OSBPL6: variants seen among roughly 807,000 people sequenced by gnomAD.
OSBPL6 encodes oxysterol-binding protein-related protein 6.
In OSBPL6, 49 loss-of-function variants were observed where a neutral mutation model predicts 125.8. That is an observed-to-expected ratio of 0.39 (90% CI 0.31 to 0.49). The LOEUF (loss-of-function observed/expected upper bound fraction) is 0.49. Ranked by LOEUF, OSBPL6 falls within the 20% of genes least tolerant of loss-of-function variation. The probability of loss-of-function intolerance (pLI) is 0.88; values close to 1 mark genes in which losing one functional copy is unlikely to be tolerated. For synonymous variants in OSBPL6, 394 were observed against 391.8 expected, an observed-to-expected ratio of 1.01 and a Z score of -0.07; for missense variants, 986 against 1,135.4, an observed-to-expected ratio of 0.87 and a Z score of 1.89.
intron 13 of OSBPL6, among the ~76,000 whole-genome samples, chr2:178,366,841 C>T (rs1692879018): frequency 1.3e-5 from 2 of 152,236 alleles, no homozygotes; most frequent in South Asian, 4.1e-4. Context: ...GAATCCTTCA[C>T]ATGTTCTTTA....
intron 12 of OSBPL6, among the ~76,000 whole-genome samples, chr2:178,358,040 C>T (rs1210344143): frequency 3.9e-5 from 6 of 152,136 alleles, no homozygotes; most frequent in Admixed American, 2.6e-4. Flanking sequence ...ATAACAAGAA[C>T]ACTTGGACAC....
At chr2:178,277,490 T>C (rs1488683680) in intron 1 of OSBPL6, among the ~76,000 whole-genome samples, 1 of 152,216 alleles carries the variant, frequency 6.6e-6, no homozygotes, top group Non-Finnish European at 1.5e-5. Flanking sequence ...CAGAGAAATA[T>C]TGTCAATTAG....
chr2:178,209,716 G>A (rs2153952682), intron 1 of OSBPL6, among the ~76,000 whole-genome samples: 1 of 151,982 alleles, frequency 6.6e-6, no homozygotes, highest in South Asian at 2.1e-4. Flanking sequence ...CTTTTAAACT[G>A]AGGGCTTCAT....
At chr2:178,357,618 G>A (rs371445875) in intron 12 of OSBPL6, among the ~76,000 whole-genome samples, 5 of 152,132 alleles carry the variant, frequency 3.3e-5, no homozygotes, top group African/African-American at 9.7e-5. Flanking sequence ...AAATAGGAAC[G>A]CTTTTACACT....
In OSBPL6 at chr2:178,365,675, T is replaced by TA. The variant is rs566906504; in HGVS notation, c.1287+3867dup. Among the ~76,000 whole-genome samples the TA allele has an allele frequency of 1.1e-4, 17 of 152,154 alleles. No individual in the cohort carries two copies. In the South Asian group the frequency reaches 3.5e-3, roughly 32 times the overall value. On this transcript the variant is annotated intron_variant, in intron 13 of 24. Transcript: ENST00000190611. Reference sequence around the variant, plus strand: ...TGGATGACAGAGCGAGACTCTGTCTTAAAAAAATAAAAATAAATAAAGTAA... The same window carrying TA: ...TGGATGACAGAGCGAGACTCTGTCTTAAAAAAAATAAAAATAAATAAAGTAA...
intron 1 of OSBPL6, among the ~76,000 whole-genome samples, chr2:178,200,452 A>G (rs1006709692): frequency 6.6e-6 from 1 of 151,892 alleles, no homozygotes; most frequent in Non-Finnish European, 1.5e-5. Flanking sequence ...GGGTTTCACC[A>G]TGTTGGCCAG....
chr2:178,268,969 T>C (rs1379833773), intron 1 of OSBPL6, among the ~76,000 whole-genome samples: 2 of 152,190 alleles, frequency 1.3e-5, no homozygotes, highest in Non-Finnish European at 2.9e-5. Flanking sequence ...CATGATTGTA[T>C]GTGCACTGAG....
chr2:178,322,940 TA>T (rs1482354693), intron 3 of OSBPL6, among the ~76,000 whole-genome samples: 5 of 149,700 alleles, frequency 3.3e-5, no homozygotes, highest in African/African-American at 4.9e-5. Context: ...AAAAAACCTT[TA>T]AAAAAAATCT....
chr2:178,255,479 T>C (rs562619312), intron 1 of OSBPL6, among the ~76,000 whole-genome samples: 5 of 152,112 alleles, frequency 3.3e-5, no homozygotes, highest in Non-Finnish European at 7.4e-5. Context: ...CCATGACACA[T>C]GGGGATTATG....
At position 178,203,469 on chromosome 2, in the gene OSBPL6, G is replaced by C. The variant is rs560460175; in HGVS notation, c.-351+8795G>C. On this transcript the variant is annotated intron_variant, in intron 1 of 24. Coordinates refer to ENST00000190611, the MANE Select transcript of OSBPL6 (RefSeq NM_032523.4). ...TATTTGGGTCTTTAAAAATATCTCC[G>C]TATCTCTACTTAACTTTTCGAACAT... 2.7e-4 allele frequency among the ~76,000 whole-genome samples: 41 copies of C among 152,270 alleles called. No individual in the cohort carries two copies. The South Asian group carries it at 2.9e-3, about 11-fold the overall frequency.
chr2:178,323,671 C>T (rs565615587), intron 3 of OSBPL6: 1 of 152,272 alleles, frequency 6.6e-6, no homozygotes, highest in South Asian at 2.1e-4. Context: ...CCAAGTTGGC[C>T]AGGCTGGTCT....
intron 11 of OSBPL6, among the ~76,000 whole-genome samples, chr2:178,342,400 C>T (rs1574919514): frequency 6.6e-6 from 1 of 152,102 alleles, no homozygotes; most frequent in Non-Finnish European, 1.5e-5. Flanking sequence ...AAATTGACCG[C>T]AAGAAAGTAA....
At chr2:178,267,080 A>G (rs333987) in intron 1 of OSBPL6, among the ~76,000 whole-genome samples, 134,373 of 152,200 alleles carry the variant, frequency 0.88, 60,421 homozygotes, top group Non-Finnish European at 0.97. Flanking sequence ...TAGGCCAGAC[A>G]TGGTAGCTCA....
At chr2:178,266,012 C>G (rs1055231270) in intron 1 of OSBPL6, among the ~76,000 whole-genome samples, 3 of 152,316 alleles carry the variant, frequency 2.0e-5, no homozygotes, top group East Asian at 3.9e-4. Flanking sequence ...TCAGAGAATA[C>G]TTCCCCAGGG....
chr2:178,324,175 A>G lies in OSBPL6; in HGVS notation c.103-2A>G, dbSNP rs1688493680. 1.3e-6 allele frequency: 2 copies of G among 1,514,910 alleles called. No individual in the cohort carries two copies. Among genetic ancestry groups the G allele is most frequent in the African/African-American group, 1.4e-5 (1 of 73,708 alleles). 93.8% of individuals were successfully genotyped at this position (1,514,910 alleles called of 1,614,324 possible). ...CTGGGCTATGTTTTCATTTATTTTC[A>G]GAGTATTCACATACTGGAGAGGACT... On this transcript the variant is annotated splice_acceptor_variant, in intron 3 of 24. Transcript: ENST00000190611. LOFTEE classifies it high-confidence loss of function.
chr2:178,319,676 A>G (rs1688067461), intron 3 of OSBPL6, among the ~76,000 whole-genome samples: 2 of 152,216 alleles, frequency 1.3e-5, no homozygotes. Context: ...AAAACCAGTA[A>G]CTATTAACTG....
chr2:178,262,275 G>A (rs1213921832), intron 1 of OSBPL6, among the ~76,000 whole-genome samples: 1 of 152,130 alleles, frequency 6.6e-6, no homozygotes, highest in African/African-American at 2.4e-5. Flanking sequence ...AACTATGTCA[G>A]TTTTCAAATT....
At chr2:178,220,875 G>A (rs1457240838) in intron 1 of OSBPL6, among the ~76,000 whole-genome samples, 1 of 152,180 alleles carries the variant, frequency 6.6e-6, no homozygotes, top group African/African-American at 2.4e-5. Flanking sequence ...TTAGGATGTT[G>A]CTGAGATGCT....
At chr2:178,330,948 C>T (rs1348913376) in intron 5 of OSBPL6, among the ~76,000 whole-genome samples, 2 of 152,194 alleles carry the variant, frequency 1.3e-5, no homozygotes, top group East Asian at 1.9e-4. Context: ...TTTTTTTACC[C>T]TTAGTGTAGT....
Sources: allele counts gnomAD v4.1 joint callset (sites outside exome capture counted in the v4.1 genomes callset), GRCh38; gene constraint gnomAD v4.1.1; transcripts MANE v1.5; gene names NCBI Gene and HGNC (gene_info 2026-07-23, HGNC 2026-07-21).